Variants in ARL15 observed in about 807,000 individuals in gnomAD.
ARL15 encodes ADP-ribosylation factor-like protein 15.
ARL15 carries 19 observed loss-of-function variants against 25.2 expected under a neutral mutation model. That is an observed-to-expected ratio of 0.75 (90% CI 0.53 to 1.10). The LOEUF (loss-of-function observed/expected upper bound fraction) is 1.10, where lower values mean the gene tolerates loss of function less well. Ranked by LOEUF, ARL15 falls within the 50% of genes least tolerant of loss-of-function variation. The probability of loss-of-function intolerance (pLI) is 0.00; values close to 1 mark genes in which losing one functional copy is unlikely to be tolerated. For synonymous variants in ARL15, 94 were observed against 86.8 expected (o/e 1.08, Z -0.46); for missense variants, 220 against 246.0 (o/e 0.89, Z 0.71).
At chr5:53,937,645 G>T (rs1402587610) in intron 4 of ARL15, among the ~76,000 whole-genome samples, 1 of 152,076 alleles carries the variant, frequency 6.6e-6, no homozygotes, top group Non-Finnish European at 1.5e-5. Context: ...TTGTAGCCTA[G>T]GAAAAACAGG....
chr5:54,275,696 T>A (rs1023468909), intron 1 of ARL15, among the ~76,000 whole-genome samples: 6 of 151,584 alleles, frequency 4.0e-5, no homozygotes, highest in African/African-American at 9.7e-5. Context: ...TATTTATTTT[T>A]TTTTTTGAGA....
At chr5:53,913,027 T>A (rs1006084543) in intron 4 of ARL15, among the ~76,000 whole-genome samples, 1 of 152,188 alleles carries the variant, frequency 6.6e-6, no homozygotes, top group Admixed American at 6.5e-5. Context: ...AGGCCAGGCA[T>A]GCTGGCTCAC....
intron 4 of ARL15, among the ~76,000 whole-genome samples, chr5:54,044,156 TG>T (rs776326552): frequency 3.9e-5 from 6 of 152,194 alleles, no homozygotes; most frequent in Non-Finnish European, 7.4e-5. Context: ...AAAAGTTTCT[TG>T]TAAGTACATT....
chr5:53,908,467 A>G (rs1256365215), intron 4 of ARL15, among the ~76,000 whole-genome samples: 1 of 152,214 alleles, frequency 6.6e-6, no homozygotes, highest in Non-Finnish European at 1.5e-5. Context: ...AATAATTTAA[A>G]TATATAGGAG....
intron 1 of ARL15, among the ~76,000 whole-genome samples, chr5:54,230,346 G>GAAAAAA (rs137882615): frequency 1.3e-4 from 12 of 91,794 alleles, no homozygotes; most frequent in African/African-American, 2.1e-4. Context: ...TTCCATCTCA[G>GAAAAAA]AAAAAAAAAA....
chr5:54,297,621 T>C (rs1758499738), intron 1 of ARL15, among the ~76,000 whole-genome samples: 1 of 152,190 alleles, frequency 6.6e-6, no homozygotes, highest in Admixed American at 6.5e-5. Flanking sequence ...TAATTTTTAG[T>C]TTTCCCTCCC....
intron 4 of ARL15, among the ~76,000 whole-genome samples, chr5:54,071,737 T>C (rs966785138): frequency 3.3e-5 from 5 of 151,892 alleles, no homozygotes; most frequent in South Asian, 2.1e-4. Context: ...TTTGGGAGGC[T>C]GAGGTGGGCA....
chr5:53,934,115 C>G (rs972926250), intron 4 of ARL15, among the ~76,000 whole-genome samples: 3 of 152,186 alleles, frequency 2.0e-5, no homozygotes, highest in African/African-American at 7.2e-5. Context: ...GTTTCCTATG[C>G]TCAGTACATG....
intron 4 of ARL15, among the ~76,000 whole-genome samples, chr5:54,055,323 T>G (rs1467726077): frequency 6.6e-5 from 10 of 151,838 alleles, no homozygotes. Flanking sequence ...TCATCCATGT[T>G]GTAACATGTA....
chr5:54,249,618 T>C (rs1486280899), intron 1 of ARL15, among the ~76,000 whole-genome samples: 1 of 148,294 alleles, frequency 6.7e-6, no homozygotes, highest in Non-Finnish European at 1.5e-5. Context: ...AGTGAAGGAG[T>C]TCATGAGGTC....
At chr5:54,152,938 A>G (rs532589835) in intron 3 of ARL15, among the ~76,000 whole-genome samples, 2 of 152,300 alleles carry the variant, frequency 1.3e-5, no homozygotes, top group South Asian at 4.2e-4. Flanking sequence ...CTTGGTGTTC[A>G]CTTTTTTTAA....
chr5:53,983,138 T>C (rs1436976057), intron 4 of ARL15, among the ~76,000 whole-genome samples: 1 of 152,200 alleles, frequency 6.6e-6, no homozygotes, highest in African/African-American at 2.4e-5. Flanking sequence ...TAGTATTATG[T>C]AGATAATAAA....
intron 4 of ARL15, among the ~76,000 whole-genome samples, chr5:54,077,399 A>G (rs1751644984): frequency 6.6e-6 from 1 of 152,220 alleles, no homozygotes; most frequent in South Asian, 2.1e-4. Flanking sequence ...TAGAGAGATT[A>G]TAGCAGTGGC....
At chr5:54,074,436 T>C (rs1751524948) in intron 4 of ARL15, among the ~76,000 whole-genome samples, 1 of 152,058 alleles carries the variant, frequency 6.6e-6, no homozygotes, top group Non-Finnish European at 1.5e-5. Context: ...ATGTTGTAAA[T>C]CCAAGAGTAA....
intron 4 of ARL15, among the ~76,000 whole-genome samples, chr5:53,929,661 T>G (rs1345978051): frequency 6.6e-6 from 1 of 152,218 alleles, no homozygotes; most frequent in Admixed American, 6.5e-5. Flanking sequence ...AAGTATTTCA[T>G]GCATGGCAGT....
chr5:53,936,853 C>T (rs1446182624), intron 4 of ARL15, among the ~76,000 whole-genome samples: 2 of 152,172 alleles, frequency 1.3e-5, no homozygotes, highest in African/African-American at 2.4e-5. Flanking sequence ...TTGCCCAGTG[C>T]GATTTCCACC....
chr5:53,937,404 T>C (rs188027399), intron 4 of ARL15, among the ~76,000 whole-genome samples: 2 of 152,286 alleles, frequency 1.3e-5, no homozygotes, highest in African/African-American at 2.4e-5. Context: ...CTTATGTCAG[T>C]AGTTTAAACA....
At chr5:54,091,770 G>A (rs1752134685) in intron 4 of ARL15, among the ~76,000 whole-genome samples, 2 of 148,892 alleles carry the variant, frequency 1.3e-5, no homozygotes, top group Admixed American at 1.4e-4. Flanking sequence ...ATGAAGAGAT[G>A]AGGAAACACA....
chr5:54,170,833 C>T (rs976603358), intron 2 of ARL15, among the ~76,000 whole-genome samples: 3 of 152,132 alleles, frequency 2.0e-5, no homozygotes, highest in South Asian at 2.1e-4. Flanking sequence ...CTGAAATCAT[C>T]GCTTATCTCA....
Sources: allele counts gnomAD v4.1 joint callset (sites outside exome capture counted in the v4.1 genomes callset), GRCh38; gene constraint gnomAD v4.1.1; transcripts MANE v1.5; gene names NCBI Gene and HGNC (gene_info 2026-07-23, HGNC 2026-07-21).